COL23A1: variants seen among roughly 807,000 people sequenced by gnomAD.
COL23A1 encodes collagen alpha-1(XXIII) chain.
A neutral mutation model predicts 99.3 loss-of-function variants in COL23A1; 97 were observed. The ratio of observed to expected loss-of-function variants is 0.98; its 90% CI spans 0.83 to 1.16. The LOEUF (loss-of-function observed/expected upper bound fraction) is 1.16. Ranked by LOEUF, COL23A1 falls within the 50% of genes most tolerant of loss-of-function variation. COL23A1 has a pLI of 0.00. For missense variants in COL23A1, 762 were observed against 757.4 expected, an observed-to-expected ratio of 1.01 and a Z score of -0.07; for synonymous variants, 320 against 308.2, an observed-to-expected ratio of 1.04 and a Z score of -0.40.
chr5:178,497,788 C>T (rs1049060395), intron 2 of COL23A1, among the ~76,000 whole-genome samples: 2 of 151,926 alleles, frequency 1.3e-5, no homozygotes, highest in South Asian at 2.1e-4. Flanking sequence ...TGAACTGGAA[C>T]ATATATCAAA....
At chr5:178,296,235 G>C (rs75981736) in intron 3 of COL23A1, among the ~76,000 whole-genome samples, 1 of 152,314 alleles carries the variant, frequency 6.6e-6, no homozygotes, top group Admixed American at 6.5e-5. Flanking sequence ...GGGGACTGGC[G>C]TGAAGTGCAG....
chr5:178,358,249 T>TATGTGTGTGTATGTATAA (rs1761888753), intron 2 of COL23A1, among the ~76,000 whole-genome samples: 1 of 58,628 alleles, frequency 1.7e-5, no homozygotes, highest in East Asian at 6.2e-4. Flanking sequence ...TATGTGTATG[T>TATGTGTGTGTATGTATAA]GTGTGTATGT....
At chr5:178,541,401 G>A (rs537470335) in intron 2 of COL23A1, among the ~76,000 whole-genome samples, 28 of 152,220 alleles carry the variant, frequency 1.8e-4, no homozygotes, top group Middle Eastern at 3.4e-3. Context: ...CAGCCTGGGC[G>A]ACATGGTGAA....
rs2913766 is a variant in COL23A1, at chr5:178,308,776, T to C, written c.362-1857A>G. ...TCCAGAGCCAGTCACACCGGATGAC[T>C]GGCCCTGGTTATTAACTAAGCCCCA... On this transcript the variant is annotated intron_variant, in intron 2 of 28. Transcript: ENST00000390654. This position sits in a 1 kb window ranked among gnomAD's most constrained non-coding sequence, Gnocchi z 5.1. 0.85 allele frequency among the ~76,000 whole-genome samples: 128,695 copies of C among 151,932 alleles called. 55,322 individuals carry two copies. Among genetic ancestry groups the C allele is most frequent in the African/African-American group, 0.93 (38,612 of 41,460 alleles).
intron 2 of COL23A1, among the ~76,000 whole-genome samples, chr5:178,331,896 G>A (rs560894075): frequency 3.9e-5 from 6 of 152,314 alleles, no homozygotes; most frequent in Middle Eastern, 3.4e-3. Flanking sequence ...AGGAAGGCAC[G>A]CAAAAGCCAA....
At chr5:178,394,342 C>T (rs1233388423) in intron 2 of COL23A1, among the ~76,000 whole-genome samples, 3 of 152,216 alleles carry the variant, frequency 2.0e-5, no homozygotes, top group Admixed American at 6.5e-5. Context: ...GCCCTCAACT[C>T]GGAGCCACTC....
chr5:178,374,357 C>T (rs770758184), intron 2 of COL23A1, among the ~76,000 whole-genome samples: 1 of 152,184 alleles, frequency 6.6e-6, no homozygotes, highest in Non-Finnish European at 1.5e-5. Flanking sequence ...CAGTCACTTC[C>T]TTGACGCCTC....
chr5:178,518,740 T>G, intron 2 of COL23A1, among the ~76,000 whole-genome samples: 4 of 144,878 alleles, frequency 2.8e-5, no homozygotes, highest in South Asian at 4.6e-4. Flanking sequence ...CCAGACGGGG[T>G]GGCAGCCGGG....
intron 2 of COL23A1, among the ~76,000 whole-genome samples, chr5:178,542,948 GCT>G (rs557833502): frequency 3.3e-4 from 51 of 152,324 alleles, no homozygotes; most frequent in African/African-American, 1.1e-3. Context: ...CACAGCAAAA[GCT>G]CTGACAGAAC....
intron 2 of COL23A1, among the ~76,000 whole-genome samples, chr5:178,380,452 C>T (rs1231842160): frequency 2.0e-5 from 3 of 151,916 alleles, no homozygotes; most frequent in Non-Finnish European, 4.4e-5. Flanking sequence ...TTGTACTTCT[C>T]TCATATTTTC....
intron 2 of COL23A1, among the ~76,000 whole-genome samples, chr5:178,364,859 G>A (rs933894654): frequency 1.3e-5 from 2 of 152,220 alleles, no homozygotes; most frequent in African/African-American, 4.8e-5. Flanking sequence ...GCAGGTTTCA[G>A]GGCACACTGC....
chr5:178,548,826 C>T (rs1410887167), intron 2 of COL23A1, among the ~76,000 whole-genome samples: 1 of 151,982 alleles, frequency 6.6e-6, no homozygotes, highest in African/African-American at 2.4e-5. Context: ...TAAAAATGTC[C>T]ATCAAGGCTT....
chr5:178,269,827 A>G (rs1188552316), intron 6 of COL23A1, among the ~76,000 whole-genome samples: 2 of 124,488 alleles, frequency 1.6e-5, no homozygotes, highest in African/African-American at 6.4e-5. Context: ...ATCCATCTAT[A>G]TATCTACCGA....
In COL23A1 at chr5:178,380,086, G is replaced by C. The variant is rs184690731; in HGVS notation, c.362-73167C>G. Among the ~76,000 whole-genome samples the C allele has an allele frequency of 6.0e-4, 91 of 152,204 alleles. 2 individuals carry two copies. Among genetic ancestry groups the C allele is most frequent in the African/African-American group, 2.1e-3 (87 of 41,496 alleles). On this transcript the variant is annotated intron_variant, in intron 2 of 28. Coordinates refer to ENST00000390654, the MANE Select transcript of COL23A1 (RefSeq NM_173465.4). ...CAACATGACCTGTGTTTTGTGAACC[G>C]TGATGATCTATACACAAAATTCTAC...
chr5:178,343,075 G>C (rs1429730873), intron 2 of COL23A1, among the ~76,000 whole-genome samples: 1 of 152,204 alleles, frequency 6.6e-6, no homozygotes. Flanking sequence ...TTTACATCCA[G>C]CCAACTGTCA....
chr5:178,316,086 T>A (rs1427682903), intron 2 of COL23A1, among the ~76,000 whole-genome samples: 1 of 152,194 alleles, frequency 6.6e-6, no homozygotes, highest in Non-Finnish European at 1.5e-5. Flanking sequence ...GTTTAAGCAG[T>A]TTAAATATAA....
chr5:178,524,216 C>T (rs144397798), intron 2 of COL23A1, among the ~76,000 whole-genome samples: 12 of 152,316 alleles, frequency 7.9e-5, no homozygotes, highest in African/African-American at 2.9e-4. Flanking sequence ...TCTCCTTCCC[C>T]ATCTGTCAGC....
intron 8 of COL23A1, among the ~76,000 whole-genome samples, chr5:178,266,466 G>A (rs951434678): frequency 6.6e-6 from 1 of 152,026 alleles, no homozygotes; most frequent in Non-Finnish European, 1.5e-5. Flanking sequence ...GGAGGGTTGG[G>A]GGATTGGGAG....
At chr5:178,396,839 G>A (rs1308162699) in intron 2 of COL23A1, among the ~76,000 whole-genome samples, 3 of 151,706 alleles carry the variant, frequency 2.0e-5, no homozygotes, top group Non-Finnish European at 2.9e-5. Context: ...GCTGTCCTCC[G>A]AGAGTCTCTC....
Sources: gnomAD v4.1 joint callset for allele counts (sites outside exome capture counted in the v4.1 genomes callset) on GRCh38, gnomAD v4.1.1 for gene constraint, Gnocchi (gnomAD v3.1) non-coding constraint, MANE v1.5 for transcripts, NCBI Gene and HGNC (gene_info 2026-07-23, HGNC 2026-07-21) for gene names.